Variants in ZNF804B observed in about 807,000 individuals in gnomAD.
ZNF804B encodes zinc finger protein 804B.
Under a neutral mutation model 101.4 loss-of-function variants are expected in ZNF804B, and 80 were observed. The ratio of observed to expected loss-of-function variants is 0.79; its 90% CI spans 0.66 to 0.95. ZNF804B has a LOEUF of 0.95. Ranked by LOEUF, ZNF804B falls within the 40% of genes least tolerant of loss-of-function variation. The pLI is 0.00. For synonymous variants in ZNF804B, 622 were observed against 558.8 expected (o/e 1.11, Z -1.59); for missense variants, 1,673 against 1,561.9 (o/e 1.07, Z -1.20).
chr7:89,107,874 A>G (rs151136178), intron 1 of ZNF804B, among the ~76,000 whole-genome samples: 4 of 152,132 alleles, frequency 2.6e-5, no homozygotes, highest in Non-Finnish European at 4.4e-5. Flanking sequence ...TTTGGGTTCT[A>G]TGCAGGCTGG....
At chr7:88,885,327 T>G (rs1792109887) in intron 1 of ZNF804B, among the ~76,000 whole-genome samples, 1 of 151,838 alleles carries the variant, frequency 6.6e-6, no homozygotes, top group African/African-American at 2.4e-5. Context: ...GATCACTAGC[T>G]TGTATTTACT....
chr7:89,289,284 A>G (rs740957), intron 2 of ZNF804B, among the ~76,000 whole-genome samples: 36,492 of 151,964 alleles, frequency 0.24, 4,615 homozygotes, highest in Non-Finnish European at 0.27. Context: ...AAGATGGCCA[A>G]ATAGAAGGCT....
At chr7:88,989,700 C>T (rs1793816181) in intron 1 of ZNF804B, among the ~76,000 whole-genome samples, 1 of 152,074 alleles carries the variant, frequency 6.6e-6, no homozygotes, top group Non-Finnish European at 1.5e-5. Context: ...TATAATTTTG[C>T]TCTTTTATGA....
chr7:88,768,577 G>A (rs762993270), intron 1 of ZNF804B, among the ~76,000 whole-genome samples: 51 of 152,114 alleles, frequency 3.4e-4, no homozygotes, highest in Non-Finnish European at 2.2e-4. Flanking sequence ...AGTTAGCTCG[G>A]CATGGTGGCA....
chr7:89,061,551 A>G (rs1789379940), intron 1 of ZNF804B, among the ~76,000 whole-genome samples: 1 of 152,086 alleles, frequency 6.6e-6, no homozygotes, highest in Non-Finnish European at 1.5e-5. Context: ...ACCCACACAT[A>G]TTTCCTAGAG....
At chr7:89,114,563 G>A (rs956184981) in intron 1 of ZNF804B, among the ~76,000 whole-genome samples, 9 of 152,158 alleles carry the variant, frequency 5.9e-5, no homozygotes, top group African/African-American at 1.4e-4. Flanking sequence ...GGTGCCACTA[G>A]TTTCAATCTT....
chr7:89,045,495 A>G (rs1425989093), intron 1 of ZNF804B, among the ~76,000 whole-genome samples: 1 of 152,216 alleles, frequency 6.6e-6, no homozygotes, highest in Non-Finnish European at 1.5e-5. Flanking sequence ...TCATGAAGGC[A>G]GCCTGGAGGG....
intron 1 of ZNF804B, among the ~76,000 whole-genome samples, chr7:88,939,961 T>A (rs981615489): frequency 6.6e-6 from 1 of 152,002 alleles, no homozygotes; most frequent in Admixed American, 6.6e-5. Context: ...GATACTATTG[T>A]ACTTCTTTCA....
chr7:89,052,740 C>T (rs1003284534), intron 1 of ZNF804B, among the ~76,000 whole-genome samples: 10 of 152,136 alleles, frequency 6.6e-5, no homozygotes, highest in African/African-American at 7.2e-5. Flanking sequence ...CTCAACAAAA[C>T]GTACTCACAT....
At chr7:89,160,739 A>T (rs1475757567) in intron 1 of ZNF804B, among the ~76,000 whole-genome samples, 1 of 152,112 alleles carries the variant, frequency 6.6e-6, no homozygotes, top group Non-Finnish European at 1.5e-5. Flanking sequence ...ATCTCCTAAA[A>T]TAGTCATTAT....
At chr7:89,212,400 A>C (rs1023564) in intron 1 of ZNF804B, among the ~76,000 whole-genome samples, 89,375 of 151,800 alleles carry the variant, frequency 0.59, 26,811 homozygotes, top group African/African-American at 0.63. Flanking sequence ...CAAATTAACA[A>C]GATAAGAAAC....
At chr7:89,016,817 C>T (rs373527426) in intron 1 of ZNF804B, among the ~76,000 whole-genome samples, 66 of 152,260 alleles carry the variant, frequency 4.3e-4, no homozygotes, top group East Asian at 7.7e-4. Context: ...CTTGGCGATG[C>T]GGGCTCCTTT....
chr7:88,881,720 A>G (rs919958543), intron 1 of ZNF804B, among the ~76,000 whole-genome samples: 2 of 152,174 alleles, frequency 1.3e-5, no homozygotes, highest in African/African-American at 4.8e-5. Flanking sequence ...TAAAAACGTC[A>G]TAATAGATTT....
intron 1 of ZNF804B, among the ~76,000 whole-genome samples, chr7:88,868,572 T>C (rs915649157): frequency 2.0e-5 from 3 of 152,194 alleles, no homozygotes; most frequent in African/African-American, 7.2e-5. Flanking sequence ...AGCTTAATGT[T>C]CTTGGCAATT....
rs544377793 is a variant in ZNF804B at position 88,886,964 on chromosome 7, A to G, written c.108+126880A>G. On this transcript the variant is annotated intron_variant, in intron 1 of 3. Coordinates refer to ENST00000333190, the MANE Select transcript of ZNF804B (RefSeq NM_181646.5). ...CTAATAGAAAATGATATACAGTTCT[A>G]CTGAATTATCTGATATGGTCCTCTT... Among the ~76,000 whole-genome samples the G allele has an allele frequency of 4.4e-4, 67 of 152,138 alleles. 1 individual carries two copies. Among genetic ancestry groups the G allele is most frequent in the Non-Finnish European group, 1.3e-4 (9 of 67,992 alleles).
chr7:89,201,999 CT>C (rs1398998626), intron 1 of ZNF804B, among the ~76,000 whole-genome samples: 1 of 152,006 alleles, frequency 6.6e-6, no homozygotes, highest in Non-Finnish European at 1.5e-5. Flanking sequence ...ATTTTGTACC[CT>C]TTATGTTGTC....
chr7:89,104,659 A>G (rs552417617), intron 1 of ZNF804B, among the ~76,000 whole-genome samples: 120 of 151,606 alleles, frequency 7.9e-4, no homozygotes, highest in African/African-American at 2.8e-3. Context: ...ACCTCTATCA[A>G]TGTTTTCTTT....
intron 2 of ZNF804B, among the ~76,000 whole-genome samples, chr7:89,281,476 A>T (rs1354732043): frequency 6.6e-6 from 1 of 152,240 alleles, no homozygotes; most frequent in Non-Finnish European, 1.5e-5. Flanking sequence ...ATTTGTAAAA[A>T]TTCATAAAAT....
At chr7:89,283,953 G>A (rs572170329) in intron 2 of ZNF804B, among the ~76,000 whole-genome samples, 1 of 151,962 alleles carries the variant, frequency 6.6e-6, no homozygotes. Flanking sequence ...AGTTAGATAT[G>A]TCATAAATGC....
Sources: allele counts gnomAD v4.1 joint callset (sites outside exome capture counted in the v4.1 genomes callset), GRCh38; gene constraint gnomAD v4.1.1; transcripts MANE v1.5; gene names NCBI Gene and HGNC (gene_info 2026-07-23, HGNC 2026-07-21).